The following KRT86 variants were observed in gnomAD, a reference collection of about 807,000 sequenced individuals.
KRT86 encodes the protein keratin 86, also known as keratin, type II cuticular Hb6.
KRT86 carries 30 observed loss-of-function variants against 41.2 expected under a neutral mutation model. The ratio of observed to expected loss-of-function variants is 0.73; its 90% confidence interval spans 0.54 to 0.99. KRT86 has a LOEUF of 0.99. KRT86 is among the 50% of genes least tolerant of loss of function. The pLI is 0.00. For synonymous variants in KRT86, 238 were observed against 238.1 expected, an observed-to-expected ratio of 1.00 and a Z score of 0.00; for missense variants, 561 against 571.4, an observed-to-expected ratio of 0.98 and a Z score of 0.19.
At chr12:52,280,854 T>C (rs1937756198) in intron 2 of KRT86, among the ~76,000 whole-genome samples, 1 of 152,230 alleles carries the variant, frequency 6.6e-6, no homozygotes. Context: ...GCTCCTGCTA[T>C]GATGATCATG....
At chr12:52,304,463 A>G (rs1210515136) in intron 5 of KRT86, among the ~76,000 whole-genome samples, 2 of 149,132 alleles carry the variant, frequency 1.3e-5, no homozygotes, top group Non-Finnish European at 3.0e-5. Flanking sequence ...CCCTGGAGCC[A>G]TAGCAGATAC....
At chr12:52,286,294 C>A (rs377741143) in intron 2 of KRT86, 66 of 1,554,384 alleles carry the variant, frequency 4.2e-5, no homozygotes, top group Non-Finnish European at 5.7e-5. Flanking sequence ...ACCCCACACC[C>A]AGGGAGCTGA....
chr12:52,307,909 C>G (rs912862961), intron 9 of KRT86, among the ~76,000 whole-genome samples: 18 of 152,250 alleles, frequency 1.2e-4, no homozygotes, highest in Admixed American at 1.1e-3. Context: ...GAGCCAGGCA[C>G]TAAGCACTGG....
Position 52,305,946 on chromosome 12 carries a change from C to T in KRT86, c.1027-114C>T, listed in dbSNP as rs1484990867. 3.4e-5 allele frequency: 53 copies of T among 1,565,164 alleles called. No homozygotes were observed. The Middle Eastern group carries it at 6.4e-4, about 19-fold the overall frequency. On this transcript the variant is annotated intron_variant, in intron 8 of 10. Coordinates refer to ENST00000423955, the MANE Select transcript of KRT86 (RefSeq NM_001320198.2). Reference sequence around the variant, plus strand: ...CTCTGTGAGTCCCAGGTGATGAAGGCAAGAGGCTCTGTTCTGGGGTGCTCC... The same window carrying T: ...CTCTGTGAGTCCCAGGTGATGAAGGTAAGAGGCTCTGTTCTGGGGTGCTCC...
chr12:52,295,270 A>G (rs930708481), intron 2 of KRT86, among the ~76,000 whole-genome samples: 1 of 152,148 alleles, frequency 6.6e-6, no homozygotes, highest in East Asian at 1.9e-4. Context: ...GCATTAACTC[A>G]TTTAATTTTT....
chr12:52,277,962 C>G (rs909535443), intron 2 of KRT86, among the ~76,000 whole-genome samples: 2 of 152,198 alleles, frequency 1.3e-5, no homozygotes, highest in African/African-American at 4.8e-5. Flanking sequence ...GTCATCCACC[C>G]CAGTATCAGA....
At chr12:52,308,321 A>C in intron 10 of KRT86, 57 bp downstream of exon 10, 1 of 1,613,644 alleles carries the variant, frequency 6.2e-7, no homozygotes, top group Non-Finnish European at 8.5e-7. Flanking sequence ...GCCTCTGGGC[A>C]AAGGGCGCGT....
At chr12:52,301,056 A>G (rs2121292810) in intron 2 of KRT86, among the ~76,000 whole-genome samples, 1 of 152,160 alleles carries the variant, frequency 6.6e-6, no homozygotes, top group Middle Eastern at 3.4e-3. Flanking sequence ...TCTACATGCT[A>G]GTTGAATGTG....
At chr12:52,286,963 C>T in intron 2 of KRT86, 1 of 1,551,108 alleles carries the variant, frequency 6.4e-7, no homozygotes, top group African/African-American at 1.4e-5. Context: ...CAAACTCACA[C>T]ACCAGCCCTC....
intron 7 of KRT86, 73 bp from the exon 8 acceptor site, chr12:52,305,590 A>C (rs1938491567): frequency 6.2e-7 from 1 of 1,612,978 alleles, no homozygotes; most frequent in East Asian, 2.2e-5. Flanking sequence ...CACAACCTGC[A>C]AAATCATCTG....
chr12:52,298,892 A>G (rs1938309723), intron 2 of KRT86, among the ~76,000 whole-genome samples: 1 of 152,192 alleles, frequency 6.6e-6, no homozygotes, highest in Non-Finnish European at 1.5e-5. Flanking sequence ...TAAACTGTGT[A>G]CTGATCAAAT....
Position 52,284,782 on chromosome 12 carries a change from G to A in KRT86, c.-5+8836G>A, listed in dbSNP as rs200574002. ...GACTGGAAGTTTAGAGATTCACTCC[G>A]GCTTAAAGATGTATGTTCAGGGAGT... On this transcript the variant is annotated intron_variant, in intron 2 of 10. Coordinates refer to ENST00000423955, the MANE Select transcript of KRT86 (RefSeq NM_001320198.2). Among the ~76,000 whole-genome samples the A allele has an allele frequency of 1.5e-3, 225 of 152,250 alleles. 2 individuals carry two copies. The highest frequency in any genetic ancestry group is 2.3e-3 in the Admixed American group (35 of 15,298).
chr12:52,287,940 C>T (rs778821370), intron 2 of KRT86: 1 of 1,613,966 alleles, frequency 6.2e-7, no homozygotes, highest in Non-Finnish European at 8.5e-7. Context: ...TCTCACATCC[C>T]TCCCACTGAC....
At chr12:52,287,193 T>G in intron 2 of KRT86, 1 of 1,613,878 alleles carries the variant, frequency 6.2e-7, no homozygotes. Context: ...TACTCCCTGA[T>G]CAGGCAGGCC....
intron 2 of KRT86, among the ~76,000 whole-genome samples, chr12:52,295,801 A>T (rs1460811303): frequency 1.3e-5 from 2 of 151,964 alleles, no homozygotes; most frequent in Non-Finnish European, 2.9e-5. Context: ...TTAAGTGCTG[A>T]GTAATGGAGC....
chr12:52,295,427 T>A (rs1938225738), intron 2 of KRT86, among the ~76,000 whole-genome samples: 1 of 152,208 alleles, frequency 6.6e-6, no homozygotes, highest in Admixed American at 6.5e-5. Flanking sequence ...GGGATGCGTT[T>A]GTCCCATTGC....
At chr12:52,299,034 G>A (rs1324727169) in intron 2 of KRT86, among the ~76,000 whole-genome samples, 1 of 151,992 alleles carries the variant, frequency 6.6e-6, no homozygotes, top group Non-Finnish European at 1.5e-5. Flanking sequence ...TTGTGCTACT[G>A]AACACTAGAT....
chr12:52,305,303 C>T lies in KRT86; in HGVS notation c.799C>T (p.Arg267Trp), dbSNP rs527924718. 835 of 1,614,194 alleles carry T rather than the reference C, an allele frequency of 5.2e-4. 7 individuals are homozygous for T. In the South Asian group the frequency reaches 8.3e-3, roughly 16 times the overall value. Residue 267 changes from arginine (R) to tryptophan (W), a missense_variant, in exon 7 of 11, where the codon CGG (arginine) becomes TGG (tryptophan). Physicochemically the swap from Arg to Trp is moderately radical, Grantham distance 101 (BLOSUM62 -3). This residue lies in a region of KRT86 where 397 missense variants were observed against 375.9 expected (regional missense o/e 1.06). Coordinates refer to ENST00000423955, the MANE Select transcript of KRT86 (RefSeq NM_001320198.2). Reference protein sequence around the residue: ...TSVVVKLDNSRDLNMDCIIAE... With the variant: ...TSVVVKLDNSWDLNMDCIIAE... ...CGTGGTTGTCAAGCTGGACAACAGC[C>T]GGGACCTGAACATGGACTGCATCAT...
At chr12:52,280,822 T>A (rs1044882837) in intron 2 of KRT86, among the ~76,000 whole-genome samples, 2 of 152,220 alleles carry the variant, frequency 1.3e-5, no homozygotes, top group African/African-American at 4.8e-5. Context: ...GATTCTCTGC[T>A]ATTCAAGCCC....
Sources: allele counts gnomAD v4.1 joint callset (sites outside exome capture counted in the v4.1 genomes callset), GRCh38; gene constraint gnomAD v4.1.1; regional missense constraint gnomAD v4.1.1; transcripts MANE v1.5; gene names NCBI Gene and HGNC (gene_info 2026-07-23, HGNC 2026-07-21).